Variants in CMSS1 observed in about 807,000 individuals in gnomAD.
The protein encoded by CMSS1 is cms1 ribosomal small subunit homolog, also known as protein CMSS1.
A neutral mutation model predicts 43.5 loss-of-function variants in CMSS1; 33 were observed. The observed-to-expected ratio is 0.76, with a 90% CI of 0.57 to 1.01. The LOEUF (loss-of-function observed/expected upper bound fraction) is 1.01, where lower values mean the gene tolerates loss of function less well. Ranked by LOEUF, CMSS1 falls within the 50% of genes least tolerant of loss-of-function variation. The pLI is 0.00. For missense variants in CMSS1, 313 were observed against 326.4 expected, an observed-to-expected ratio of 0.96 and a Z score of 0.32; for synonymous variants, 115 against 117.2, an observed-to-expected ratio of 0.98 and a Z score of 0.12.
chr3:99,983,408 A>G (rs1323393579), intron 1 of CMSS1, among the ~76,000 whole-genome samples: 1 of 110,072 alleles, frequency 9.1e-6, no homozygotes, highest in Non-Finnish European at 1.8e-5. Context: ...ATATATATAT[A>G]TATATATATA....
intron 3 of CMSS1, 131 bp from the exon 4 acceptor site, chr3:100,162,172 T>A: frequency 3.1e-6 from 2 of 643,608 alleles, no homozygotes; most frequent in African/African-American, 1.9e-5. Context: ...AATGTATTTA[T>A]TAAAACCCAC....
At chr3:99,943,579 C>T (rs1441110964) in intron 1 of CMSS1, among the ~76,000 whole-genome samples, 1 of 152,092 alleles carries the variant, frequency 6.6e-6, no homozygotes, top group Non-Finnish European at 1.5e-5. Flanking sequence ...TGGCATGCGC[C>T]TGTAGTCCCA....
chr3:100,016,967 A>G (rs1210263339), intron 1 of CMSS1, among the ~76,000 whole-genome samples: 1 of 152,210 alleles, frequency 6.6e-6, no homozygotes, highest in Non-Finnish European at 1.5e-5. Context: ...TTATATTTAC[A>G]TAAGATTTGC....
chr3:99,832,141 T>C (rs1282251368), intron 1 of CMSS1, among the ~76,000 whole-genome samples: 6 of 152,122 alleles, frequency 3.9e-5, no homozygotes, highest in African/African-American at 4.8e-5. Flanking sequence ...GTTTTCTAGG[T>C]AACTCCATTT....
chr3:100,109,215 A>G (rs911640491), intron 1 of CMSS1, among the ~76,000 whole-genome samples: 2 of 151,904 alleles, frequency 1.3e-5, no homozygotes, highest in African/African-American at 2.4e-5. Context: ...GTGTTTTAAT[A>G]TCCTAAAAAA....
chr3:99,949,890 C>CTG (rs376693727), intron 1 of CMSS1, among the ~76,000 whole-genome samples: 2 of 152,084 alleles, frequency 1.3e-5, no homozygotes, highest in African/African-American at 2.4e-5. Context: ...TCTTAATCAG[C>CTG]TGTGTGTGTG....
chr3:100,061,515 T>C (rs2065565798), intron 1 of CMSS1, among the ~76,000 whole-genome samples: 1 of 152,216 alleles, frequency 6.6e-6, no homozygotes. Context: ...TATTAATACC[T>C]CCTGCAGAGA....
intron 1 of CMSS1, among the ~76,000 whole-genome samples, chr3:100,085,715 G>T (rs1424122236): frequency 5.9e-5 from 9 of 152,160 alleles, no homozygotes; most frequent in Non-Finnish European, 1.2e-4. Flanking sequence ...GCAGTGTTCT[G>T]TCATTTTTGT....
intron 1 of CMSS1, among the ~76,000 whole-genome samples, chr3:99,869,611 C>T (rs1262737551): frequency 6.6e-6 from 1 of 152,070 alleles, no homozygotes; most frequent in Non-Finnish European, 1.5e-5. Flanking sequence ...AGCAAGAAAC[C>T]AGCAACTTTC....
chr3:99,953,757 T>C (rs528381348), intron 1 of CMSS1, among the ~76,000 whole-genome samples: 3 of 152,138 alleles, frequency 2.0e-5, no homozygotes, highest in Non-Finnish European at 4.4e-5. Context: ...AGAAACTCAG[T>C]CTATACTGAC....
intron 2 of CMSS1, among the ~76,000 whole-genome samples, chr3:100,158,986 A>C (rs1466368896): frequency 5.3e-5 from 8 of 152,222 alleles, no homozygotes. Flanking sequence ...GGGATCTGCT[A>C]ATCATATCCC....
At chr3:99,990,764 A>G (rs1451829296) in intron 1 of CMSS1, among the ~76,000 whole-genome samples, 2 of 152,176 alleles carry the variant, frequency 1.3e-5, no homozygotes, top group African/African-American at 2.4e-5. Flanking sequence ...AAGAAAAAAA[A>G]TTTACCTATA....
intron 1 of CMSS1, among the ~76,000 whole-genome samples, chr3:99,895,682 ATACCACACT>A (rs1706228625): frequency 6.6e-6 from 1 of 152,144 alleles, no homozygotes; most frequent in Non-Finnish European, 1.5e-5. Context: ...TGTACATGTA[ATACCACACT>A]TCCACATGTT....
chr3:99,837,986 C>T (rs936175184), intron 1 of CMSS1, among the ~76,000 whole-genome samples: 1 of 152,184 alleles, frequency 6.6e-6, no homozygotes, highest in African/African-American at 2.4e-5. Context: ...ATGTTCCTTC[C>T]GTGAATCATT....
At chr3:99,930,856 C>G (rs1481915561) in intron 1 of CMSS1, 1 of 1,613,008 alleles carries the variant, frequency 6.2e-7, no homozygotes, top group Non-Finnish European at 8.5e-7. Context: ...CACTGTGTGG[C>G]TTCTCTGCCT....
At chr3:99,987,254 C>T (rs1709369239) in intron 1 of CMSS1, among the ~76,000 whole-genome samples, 1 of 149,312 alleles carries the variant, frequency 6.7e-6, no homozygotes, top group Non-Finnish European at 1.5e-5. Flanking sequence ...AAAGGCCAGG[C>T]ACAGTGGCTC....
At chr3:100,054,636 A>T (rs529132714) in intron 1 of CMSS1, among the ~76,000 whole-genome samples, 16 of 152,160 alleles carry the variant, frequency 1.1e-4, no homozygotes, top group African/African-American at 3.4e-4. Flanking sequence ...AATCTTGCAG[A>T]TGTGGCTCAA....
At chr3:100,109,453 TGTTCCTGCTCACCCTTTTGTAGTCA>T (rs1432037365) in intron 1 of CMSS1, among the ~76,000 whole-genome samples, 3 of 152,212 alleles carry the variant, frequency 2.0e-5, no homozygotes, top group African/African-American at 7.2e-5. Flanking sequence ...TCACCCGAGA[TGTTCCTGCTCACCCTTTTGTAGTCA>T]GTTCCTCCCC....
At chr3:100,043,249 A>G (rs756115624) in intron 1 of CMSS1, among the ~76,000 whole-genome samples, 8 of 152,210 alleles carry the variant, frequency 5.3e-5, no homozygotes, top group Non-Finnish European at 7.4e-5. Flanking sequence ...ACATACAAGT[A>G]AGGAAAAGAG....
Sources: allele counts gnomAD v4.1 joint callset (sites outside exome capture counted in the v4.1 genomes callset), GRCh38; gene constraint gnomAD v4.1.1; transcripts MANE v1.5; gene names NCBI Gene and HGNC (gene_info 2026-07-23, HGNC 2026-07-21).